Variants in AVPI1 observed in about 807,000 individuals in gnomAD.
The protein encoded by AVPI1 is arginine vasopressin induced 1, also known as arginine vasopressin-induced protein 1.
AVPI1 carries 9 observed loss-of-function variants against 11.9 expected under a neutral mutation model. The observed-to-expected ratio is 0.76, with a 90% CI of 0.46 to 1.32. The LOEUF (loss-of-function observed/expected upper bound fraction) is 1.32. Ranked by LOEUF, AVPI1 falls within the 40% of genes most tolerant of loss-of-function variation. The pLI is 0.00. For missense variants in AVPI1, 207 were observed against 195.8 expected (o/e 1.06, Z -0.34); for synonymous variants, 68 against 78.1 (o/e 0.87, Z 0.68).
At chr10:97,680,109 A>G (rs563205846) in intron 1 of AVPI1, among the ~76,000 whole-genome samples, 194 bp from the exon 2 acceptor site, 1 of 152,364 alleles carries the variant, frequency 6.6e-6, no homozygotes, top group South Asian at 2.1e-4. Flanking sequence ...AAAGCAACCC[A>G]TGAGGTAAGA....
At chr10:97,678,946 T>TGGGGGGGG (rs2041685045) in intron 2 of AVPI1, among the ~76,000 whole-genome samples, 1 of 43,182 alleles carries the variant, frequency 2.3e-5, no homozygotes, top group Admixed American at 2.8e-4. Flanking sequence ...TGTGTGTGTG[T>TGGGGGGGG]GTGTGTGTGT....
At position 97,679,898 on chromosome 10, in the gene AVPI1, G is replaced by T. The variant is rs1251965300; in HGVS notation, c.8C>A (p.Thr3Asn). 1 of 1,575,268 alleles carries T rather than the reference G, an allele frequency of 6.3e-7. No homozygotes were observed. The highest frequency in any genetic ancestry group is 2.3e-5 in the East Asian group (1 of 43,990). MG[T>N]PASVVSEPPP... ...TGGCTCACTGACCACCGAGGCTGGG[G>T]TACCCATTGTGGATGCTCTGAGGAT... is the stretch of plus-strand genomic sequence containing the variant. Residue 3 changes from threonine to asparagine, a missense_variant, in exon 2 of 3, where the codon ACC (threonine) becomes AAC (asparagine). Thr to Asn is a moderately conservative substitution (Grantham distance 65, BLOSUM62 0). Transcript: ENST00000370626.
At chr10:97,678,595 T>G (rs922497190) in intron 2 of AVPI1, among the ~76,000 whole-genome samples, 5 of 151,638 alleles carry the variant, frequency 3.3e-5, no homozygotes, top group African/African-American at 4.8e-5. Context: ...AAGGTAAAAG[T>G]TTTCAACAAT....
In AVPI1 at chr10:97,677,895, TTG is replaced by T; in HGVS notation, c.416_417del (p.Thr139LysfsTer64). 1 of 1,614,232 alleles carries T rather than the reference TTG, an allele frequency of 6.2e-7. No homozygotes were observed. The highest frequency in any genetic ancestry group is 1.3e-5 in the African/African-American group (1 of 75,062). ...IRRNWRKSGPTSYLHQIRH is the reference protein window; with the variant it reads ...IRRNWRKSGPXSYLHQIRH ...CAGTGTCTGATCTGGTGGAGGTAGC[TTG>T]TGGGGCCTGACTTCCTCCAGTTCCG... On this transcript the variant is annotated frameshift_variant, in exon 3 of 3. Transcript: ENST00000370626. LOFTEE classifies it high-confidence loss of function.
chr10:97,678,920 TGTGTGTGTGTGTGTGTGTG>T (rs2041683559), intron 2 of AVPI1, among the ~76,000 whole-genome samples: 2 of 14,484 alleles, frequency 1.4e-4, no homozygotes, highest in African/African-American at 4.7e-4. Context: ...TGTGTGTGTG[TGTGTGTGTGTGTGTGTGTG>T]TGTGTGTGTG....
intron 1 of AVPI1, among the ~76,000 whole-genome samples, chr10:97,681,037 GTC>G (rs2041700793): frequency 6.6e-6 from 1 of 152,134 alleles, no homozygotes; most frequent in South Asian, 2.1e-4. Flanking sequence ...ACCCATCCTT[GTC>G]TCCAGCACAG....
At chr10:97,681,963 T>A (rs1293865493) in intron 1 of AVPI1, among the ~76,000 whole-genome samples, 3 of 150,542 alleles carry the variant, frequency 2.0e-5, no homozygotes, top group African/African-American at 7.3e-5. Context: ...AAAAAATAGA[T>A]ACATTGTAAC....
rs745806666 is a variant in AVPI1 at position 97,678,961 on chromosome 10, G to T, written c.287+658C>A. Reference sequence around the variant, plus strand: ...TGTGTGTGTGTGTGTGTGTGTGTGTGTGTGTGTGTGTGTGTGTGTGTGTGT... The same window carrying T: ...TGTGTGTGTGTGTGTGTGTGTGTGTTTGTGTGTGTGTGTGTGTGTGTGTGT... On this transcript the variant is annotated intron_variant, in intron 2 of 2. Coordinates refer to ENST00000370626, the MANE Select transcript of AVPI1 (RefSeq NM_021732.3). Among the ~76,000 whole-genome samples the T allele has an allele frequency of 1.5e-4, 10 of 67,722 alleles. No homozygotes were observed. In the South Asian group the frequency reaches 1.7e-3, roughly 11 times the overall value. The allele number at this position is 67,722 out of a possible 152,430, so 44.4% of individuals were successfully genotyped here. A position where few individuals can be genotyped will look rare whatever the true frequency, so the allele number is the denominator to read the frequency against.
chr10:97,683,960 A>G (rs2135772941), intron 1 of AVPI1, among the ~76,000 whole-genome samples: 1 of 152,018 alleles, frequency 6.6e-6, no homozygotes, highest in Non-Finnish European at 1.5e-5. Flanking sequence ...CCCGCAGGTA[A>G]GTCTGTACAG....
At chr10:97,679,505 G>T in intron 2 of AVPI1, 114 bp downstream of exon 2, 1 of 1,305,730 alleles carries the variant, frequency 7.7e-7, no homozygotes, top group Non-Finnish European at 1.0e-6. Context: ...CCACCCCAAT[G>T]GTGGGCAGGC....
chr10:97,680,288 G>T (rs372305044), intron 1 of AVPI1, among the ~76,000 whole-genome samples: 1 of 152,166 alleles, frequency 6.6e-6, no homozygotes, highest in African/African-American at 2.4e-5. Flanking sequence ...GCTCAACTGT[G>T]TTGAGTACTT....
At chr10:97,678,880 G>GGTGTGT (rs1255604041) in intron 2 of AVPI1, among the ~76,000 whole-genome samples, 7 of 113,438 alleles carry the variant, frequency 6.2e-5, no homozygotes, top group South Asian at 3.0e-4. Flanking sequence ...GCGGGGGGAG[G>GGTGTGT]GTGTGTGTGT....
intron 1 of AVPI1, 141 bp from the exon 2 acceptor site, chr10:97,680,056 A>G: frequency 1.2e-6 from 1 of 814,336 alleles, no homozygotes; most frequent in South Asian, 1.8e-5. Flanking sequence ...AAATCACTTA[A>G]GCACTTATGT....
intron 1 of AVPI1, among the ~76,000 whole-genome samples, chr10:97,682,603 T>G (rs780441580): frequency 6.6e-6 from 1 of 151,504 alleles, no homozygotes; most frequent in Non-Finnish European, 1.5e-5. Flanking sequence ...AAAATATGAC[T>G]CCCCCCCTTG....
At chr10:97,685,158 A>T (rs2041722826) in intron 1 of AVPI1, among the ~76,000 whole-genome samples, 1 of 152,242 alleles carries the variant, frequency 6.6e-6, no homozygotes, top group Non-Finnish European at 1.5e-5. Context: ...GGGTCTGTGT[A>T]CAAACGAGTA....
intron 2 of AVPI1, among the ~76,000 whole-genome samples, 153 bp from the exon 3 acceptor site, chr10:97,678,178 T>G (rs970378832): frequency 1.3e-5 from 2 of 152,208 alleles, no homozygotes; most frequent in Admixed American, 1.3e-4. Context: ...GAGAACTGTC[T>G]GACTAGACAA....
Position 97,679,603 on chromosome 10 carries a change from G to A in AVPI1, c.287+16C>T, listed in dbSNP as rs72835960. 24,831 of 1,598,836 alleles carry A rather than the reference G, an allele frequency of 0.016. 264 individuals carry two copies. The highest frequency in any genetic ancestry group is 0.02 in the Middle Eastern group (112 of 5,696). On this transcript the variant is annotated intron_variant, in intron 2 of 2. Transcript: ENST00000370626. ...ATTAGTGCTCTTCCCTCAGCCATCC[G>A]GTTCTAGGAACCTACCTGAGGCGGC...
intron 1 of AVPI1, among the ~76,000 whole-genome samples, chr10:97,683,340 G>A (rs1453821909): frequency 6.6e-6 from 1 of 152,100 alleles, no homozygotes; most frequent in Non-Finnish European, 1.5e-5. Context: ...TGTATTTTTA[G>A]TAAAGACAGG....
chr10:97,679,594 C>T (rs1281572971), intron 2 of AVPI1, 25 bp downstream of exon 2: 4 of 1,590,088 alleles, frequency 2.5e-6, no homozygotes, highest in South Asian at 2.3e-5. Context: ...GCTCTTCCCT[C>T]AGCCATCCGG....
Sources: allele counts gnomAD v4.1 joint callset (sites outside exome capture counted in the v4.1 genomes callset), GRCh38; gene constraint gnomAD v4.1.1; transcripts MANE v1.5; gene names NCBI Gene and HGNC (gene_info 2026-07-23, HGNC 2026-07-21).